The following SIL1 variants were observed in gnomAD, a reference collection of about 807,000 sequenced individuals.
SIL1 encodes the protein SIL1 nucleotide exchange factor, also known as nucleotide exchange factor SIL1.
Under a neutral mutation model 49.1 loss-of-function variants are expected in SIL1, and 40 were observed. The observed-to-expected ratio is 0.81, with a 90% CI of 0.63 to 1.06. SIL1 has a LOEUF of 1.06. Ranked by LOEUF, SIL1 falls within the 50% of genes least tolerant of loss-of-function variation. The pLI, the probability that SIL1 is intolerant of heterozygous loss-of-function variation, is 0.00. For missense variants in SIL1, 500 were observed against 572.6 expected (o/e 0.87, Z 1.29); for synonymous variants, 253 against 250.8 (o/e 1.01, Z -0.08).
At chr5:139,174,937 C>CAAAAAAAAAAAAAAAAAAAAA (rs56959325) in intron 1 of SIL1, among the ~76,000 whole-genome samples, 5 of 59,836 alleles carry the variant, frequency 8.4e-5, no homozygotes, top group Non-Finnish European at 1.2e-4. Flanking sequence ...GACTGTGTCT[C>CAAAAAAAAAAAAAAAAAAAAA]AAAAAAAAAA....
At chr5:139,112,132 C>A (rs1166327383) in intron 3 of SIL1, among the ~76,000 whole-genome samples, 1 of 152,262 alleles carries the variant, frequency 6.6e-6, no homozygotes, top group African/African-American at 2.4e-5. Context: ...CAGACGGAGT[C>A]TAGTTCACTC....
At chr5:138,950,596 T>A (rs1766747798) in intron 9 of SIL1, among the ~76,000 whole-genome samples, 1 of 152,208 alleles carries the variant, frequency 6.6e-6, no homozygotes, top group Non-Finnish European at 1.5e-5. Flanking sequence ...CTGCAGTAGC[T>A]GAATTAAGAA....
At chr5:139,015,345 T>G (rs1581031776) in intron 7 of SIL1, among the ~76,000 whole-genome samples, 1 of 152,316 alleles carries the variant, frequency 6.6e-6, no homozygotes, top group East Asian at 1.9e-4. Context: ...GATTTTTTTT[T>G]CATTTAAAAG....
chr5:139,097,366 T>C (rs1770490910), intron 3 of SIL1, among the ~76,000 whole-genome samples: 1 of 151,846 alleles, frequency 6.6e-6, no homozygotes, highest in African/African-American at 2.4e-5. Flanking sequence ...ACATAGGCAA[T>C]AGCCAGGGAA....
chr5:139,162,214 C>T (rs1245721852), intron 1 of SIL1, among the ~76,000 whole-genome samples: 3 of 152,168 alleles, frequency 2.0e-5, no homozygotes, highest in African/African-American at 7.2e-5. Context: ...CATGTCTCAC[C>T]CTGCCACCCA....
intron 3 of SIL1, among the ~76,000 whole-genome samples, chr5:139,063,422 C>T (rs1451165951): frequency 6.6e-6 from 1 of 152,212 alleles, no homozygotes; most frequent in East Asian, 1.9e-4. Flanking sequence ...TGTTTCCTAG[C>T]TAGTTGATGC....
chr5:139,149,482 T>C (rs1025296499), intron 1 of SIL1, among the ~76,000 whole-genome samples: 2 of 152,192 alleles, frequency 1.3e-5, no homozygotes, highest in African/African-American at 4.8e-5. Context: ...ATAGGGGTCC[T>C]GTCCTCCAGG....
intron 3 of SIL1, among the ~76,000 whole-genome samples, chr5:139,112,713 G>A (rs1189943867): frequency 2.4e-4 from 36 of 151,062 alleles, no homozygotes; most frequent in Non-Finnish European, 8.9e-5. Flanking sequence ...CGCCCCGTGC[G>A]GGAGGTGGGG....
chr5:138,979,765 G>T (rs755068464), intron 7 of SIL1, among the ~76,000 whole-genome samples: 1 of 152,228 alleles, frequency 6.6e-6, no homozygotes, highest in African/African-American at 2.4e-5. Flanking sequence ...GGAGGCAGGG[G>T]TGAACACAGT....
At chr5:139,172,500 G>T (rs1231913725) in intron 1 of SIL1, among the ~76,000 whole-genome samples, 1 of 152,166 alleles carries the variant, frequency 6.6e-6, no homozygotes, top group African/African-American at 2.4e-5. Flanking sequence ...GGGCATGGTG[G>T]CAGGTGCCTG....
chr5:139,178,235 G>A lies in SIL1; in HGVS notation c.-11+20034C>T, dbSNP rs1751921913. Reference sequence around the variant, plus strand: ...AACAAGGCCACACTAAAGGAGATTAGTCTCAAGATTGCCATTTAGCTGACT... The same window carrying A: ...AACAAGGCCACACTAAAGGAGATTAATCTCAAGATTGCCATTTAGCTGACT... On this transcript the variant is annotated intron_variant, in intron 1 of 9. Coordinates refer to ENST00000394817, the MANE Select transcript of SIL1 (RefSeq NM_022464.5). Among the ~76,000 whole-genome samples the A allele has an allele frequency of 2.6e-5, 4 of 152,218 alleles. No individual in the cohort carries two copies. The South Asian group carries it at 8.3e-4, about 32-fold the overall frequency.
At chr5:138,961,995 G>T in intron 7 of SIL1, among the ~76,000 whole-genome samples, 2 of 127,964 alleles carry the variant, frequency 1.6e-5, no homozygotes. Flanking sequence ...CCTTCTTGTT[G>T]CTCAGAATAT....
At chr5:139,127,663 A>C in intron 2 of SIL1, 76 bp downstream of exon 2, 1 of 1,221,228 alleles carries the variant, frequency 8.2e-7, no homozygotes, top group South Asian at 1.3e-5. Flanking sequence ...CCCTACTCCC[A>C]CAACAGCCCT....
At chr5:139,038,957 G>C (rs1254056365) in intron 5 of SIL1, among the ~76,000 whole-genome samples, 1 of 152,226 alleles carries the variant, frequency 6.6e-6, no homozygotes, top group East Asian at 1.9e-4. Context: ...CTACCAGGCA[G>C]AGGACAGATA....
intron 7 of SIL1, among the ~76,000 whole-genome samples, chr5:138,979,520 T>C (rs1239455475): frequency 6.6e-6 from 1 of 152,156 alleles, no homozygotes; most frequent in African/African-American, 2.4e-5. Flanking sequence ...TAATTTTTTT[T>C]CGAGACAGGG....
Position 138,976,021 on chromosome 5 carries a change from T to G in SIL1, c.768-24137A>C, listed in dbSNP as rs112695353. Among the ~76,000 whole-genome samples, 10 of 152,388 alleles carry G rather than the reference T, an allele frequency of 6.6e-5. 1 individual carries two copies. Among genetic ancestry groups the G allele is most frequent in the African/African-American group, 1.9e-4 (8 of 41,596 alleles). On this transcript the variant is annotated intron_variant, in intron 7 of 9. Coordinates refer to ENST00000394817, the MANE Select transcript of SIL1 (RefSeq NM_022464.5). ...AAAAGAGCTGCTTCACAGCATTGTT[T>G]CCAGAAGTGTGACGTATCCATAGAA...
At chr5:139,120,758 G>T (rs1228970046) in intron 3 of SIL1, among the ~76,000 whole-genome samples, 1 of 152,202 alleles carries the variant, frequency 6.6e-6, no homozygotes, top group East Asian at 1.9e-4. Flanking sequence ...TGGTGCTTCA[G>T]AAGTGCAGGG....
chr5:139,121,877 T>C (rs772333211), intron 2 of SIL1, among the ~76,000 whole-genome samples: 1 of 152,196 alleles, frequency 6.6e-6, no homozygotes, highest in Non-Finnish European at 1.5e-5. Flanking sequence ...TCTGGAGCAT[T>C]CTCAGCTCAG....
intron 5 of SIL1, among the ~76,000 whole-genome samples, chr5:139,027,336 T>A (rs1256780070): frequency 6.6e-6 from 1 of 152,210 alleles, no homozygotes; most frequent in Non-Finnish European, 1.5e-5. Context: ...AAACCACATA[T>A]GAAACAGCTG....
Sources: allele counts gnomAD v4.1 joint callset (sites outside exome capture counted in the v4.1 genomes callset), GRCh38; gene constraint gnomAD v4.1.1; transcripts MANE v1.5; gene names NCBI Gene and HGNC (gene_info 2026-07-23, HGNC 2026-07-21).